The following NSMCE1 variants were observed in gnomAD, a reference collection of about 807,000 sequenced individuals.
NSMCE1 encodes the protein non-structural maintenance of chromosomes element 1 homolog.
NSMCE1 carries 18 observed loss-of-function variants against 29.6 expected under a neutral mutation model. The observed-to-expected ratio is 0.61, with a 90% CI of 0.42 to 0.90. The LOEUF is 0.90. Ranked by LOEUF, NSMCE1 falls within the 40% of genes least tolerant of loss-of-function variation. The pLI is 0.00. For synonymous variants in NSMCE1, 124 were observed against 133.4 expected (o/e 0.93, Z 0.49); for missense variants, 314 against 343.6 (o/e 0.91, Z 0.68).
chr16:27,263,140 T>C (rs1410504162), intron 1 of NSMCE1, among the ~76,000 whole-genome samples: 2 of 152,204 alleles, frequency 1.3e-5, no homozygotes, highest in African/African-American at 2.4e-5. Context: ...AGTGTGGCAA[T>C]TCCTCAAAGA....
chr16:27,244,166 G>A (rs531497698), intron 2 of NSMCE1, among the ~76,000 whole-genome samples: 2 of 152,170 alleles, frequency 1.3e-5, no homozygotes, highest in Non-Finnish European at 1.5e-5. Flanking sequence ...TCTCTTGCTG[G>A]AGCAAGCTCT....
intron 1 of NSMCE1, chr16:27,258,003 A>C (rs1165069224): frequency 6.5e-6 from 1 of 152,798 alleles, no homozygotes; most frequent in Non-Finnish European, 1.5e-5. Context: ...CTATCAGGCA[A>C]TTCTGGGTCT....
At chr16:27,264,358 G>T (rs1484901320) in intron 1 of NSMCE1, among the ~76,000 whole-genome samples, 1 of 152,190 alleles carries the variant, frequency 6.6e-6, no homozygotes, top group Non-Finnish European at 1.5e-5. Context: ...GGATGACAGA[G>T]TAAGATCCTG....
At chr16:27,260,858 C>CAA (rs55762579) in intron 1 of NSMCE1, among the ~76,000 whole-genome samples, 5 of 87,968 alleles carry the variant, frequency 5.7e-5, no homozygotes, top group Admixed American at 1.3e-4. Context: ...GACCCTGTCT[C>CAA]AAAAAAAAAA....
chr16:27,258,253 A>G (rs1199830261), intron 1 of NSMCE1: 1 of 152,270 alleles, frequency 6.6e-6, no homozygotes, highest in South Asian at 2.1e-4. Context: ...CGTAAACCAC[A>G]AAGATCACAG....
At chr16:27,265,330 G>A (rs6498007) in intron 1 of NSMCE1, among the ~76,000 whole-genome samples, 55,031 of 151,278 alleles carry the variant, frequency 0.36, 10,317 homozygotes, top group East Asian at 0.51. Context: ...CACTATGCCC[G>A]GCTAATTTCT....
intron 1 of NSMCE1, chr16:27,268,366 C>CT (rs1444324633): frequency 6.6e-6 from 1 of 152,220 alleles, no homozygotes; most frequent in African/African-American, 2.4e-5. Flanking sequence ...TTATATTTTG[C>CT]TTTTTCACCT....
intron 2 of NSMCE1, among the ~76,000 whole-genome samples, chr16:27,248,559 C>T (rs1461870019): frequency 2.0e-5 from 3 of 150,958 alleles, no homozygotes; most frequent in East Asian, 2.0e-4. Flanking sequence ...TACAGGCACC[C>T]GCCACCAAGC....
intron 2 of NSMCE1, among the ~76,000 whole-genome samples, chr16:27,238,286 C>G (rs1259626193): frequency 6.6e-6 from 1 of 152,172 alleles, no homozygotes; most frequent in Non-Finnish European, 1.5e-5. Flanking sequence ...TGTCCAGAAC[C>G]CTCTTCCCTC....
At chr16:27,255,479 T>C (rs1002985836) in intron 2 of NSMCE1, among the ~76,000 whole-genome samples, 2 of 152,168 alleles carry the variant, frequency 1.3e-5, no homozygotes, top group South Asian at 2.1e-4. Flanking sequence ...CATATATTCT[T>C]GTCTAGGGAT....
intron 2 of NSMCE1, among the ~76,000 whole-genome samples, chr16:27,242,661 C>T (rs537605224): frequency 2.8e-4 from 43 of 152,266 alleles, no homozygotes; most frequent in African/African-American, 9.4e-4. Flanking sequence ...TGCTTTATCA[C>T]GGTAAAGTTC....
intron 4 of NSMCE1, 75 bp downstream of exon 4, chr16:27,234,113 G>T (rs781300959): frequency 3.2e-6 from 3 of 944,420 alleles, no homozygotes; most frequent in East Asian, 4.8e-5. Context: ...CACTGCAGTT[G>T]CCACTGCTAA....
intron 2 of NSMCE1, among the ~76,000 whole-genome samples, chr16:27,241,090 G>T (rs1251762707): frequency 6.6e-6 from 1 of 152,062 alleles, no homozygotes; most frequent in Non-Finnish European, 1.5e-5. Flanking sequence ...TGAAAGAAAT[G>T]ATTAAGTTAC....
In NSMCE1 at chr16:27,233,264, T is replaced by C. The variant is rs77506915; in HGVS notation, c.337-117A>G. On this transcript the variant is annotated intron_variant, in intron 4 of 7. Coordinates refer to ENST00000361439, the MANE Select transcript of NSMCE1 (RefSeq NM_145080.4). ...ACCACTCAGATCACAGGCAGAACTG[T>C]ACACTGGCATGGTATTCCGGGAAAA... 210 of 768,712 alleles carry C rather than the reference T, an allele frequency of 2.7e-4. No homozygotes were observed. In the African/African-American group the frequency reaches 3.4e-3, roughly 12 times the overall value. The allele number at this position is 768,712 out of a possible 1,614,324, so 47.6% of individuals were successfully genotyped here. A position where few individuals can be genotyped will look rare whatever the true frequency, so the allele number is the denominator to read the frequency against.
intron 1 of NSMCE1, among the ~76,000 whole-genome samples, chr16:27,259,407 G>A (rs2084129032): frequency 6.6e-6 from 1 of 152,110 alleles, no homozygotes; most frequent in Non-Finnish European, 1.5e-5. Flanking sequence ...CCCCGTATTT[G>A]CCAGTGGTTG....
At chr16:27,239,265 C>G (rs1406513905) in intron 2 of NSMCE1, among the ~76,000 whole-genome samples, 1 of 152,188 alleles carries the variant, frequency 6.6e-6, no homozygotes, top group South Asian at 2.1e-4. Context: ...TGCACCAGAT[C>G]GCTGCTTCCC....
Position 27,232,891 on chromosome 16 carries a change from C to G in NSMCE1, c.483+110G>C. 8.7e-7 allele frequency: 1 copy of G among 1,152,126 alleles called. No individual in the cohort carries two copies. The highest frequency in any genetic ancestry group is 1.2e-6 in the Non-Finnish European group (1 of 800,148). 71.4% of individuals were successfully genotyped at this position (1,152,126 alleles called of 1,614,324 possible). A position where few individuals can be genotyped will look rare whatever the true frequency, so the allele number is the denominator to read the frequency against. On this transcript the variant is annotated intron_variant, in intron 5 of 7. Transcript: ENST00000361439. This position sits in a 1 kb window ranked among gnomAD's most constrained non-coding sequence, Gnocchi z 4.5. ...AATGCATGAAAGCAGATAAGGGATC[C>G]GAGAAGGCCGGGCTCCTCAGACATC...
chr16:27,227,783 CTTTTT>C (rs1239133211), intron 5 of NSMCE1, among the ~76,000 whole-genome samples: 2 of 65,994 alleles, frequency 3.0e-5, no homozygotes, highest in African/African-American at 8.4e-5. Flanking sequence ...CTTTTCTTTT[CTTTTT>C]TTTTTTTTTT....
intron 2 of NSMCE1, among the ~76,000 whole-genome samples, chr16:27,239,429 A>G (rs1267941597): frequency 1.3e-5 from 2 of 152,194 alleles, no homozygotes; most frequent in African/African-American, 4.8e-5. Context: ...TCAATATTCT[A>G]CGAGCCCATG....
Sources: gnomAD v4.1 joint callset for allele counts (sites outside exome capture counted in the v4.1 genomes callset) on GRCh38, gnomAD v4.1.1 for gene constraint, Gnocchi (gnomAD v3.1) non-coding constraint, MANE v1.5 for transcripts, NCBI Gene and HGNC (gene_info 2026-07-23, HGNC 2026-07-21) for gene names.